Variants in RIN2 observed in about 807,000 individuals in gnomAD.
The protein encoded by RIN2 is Ras and Rab interactor 2, also known as RAB5 interacting protein 2.
Under a neutral mutation model 78.0 loss-of-function variants are expected in RIN2, and 36 were observed. The ratio of observed to expected loss-of-function variants is 0.46; its 90% CI spans 0.35 to 0.61. RIN2 has a LOEUF of 0.61. Among genes scored for constraint, RIN2 ranks in the 20% least tolerant of loss-of-function variants. RIN2 has a pLI of 0.00. For synonymous variants in RIN2, 466 were observed against 466.8 expected (o/e 1.00, Z 0.02); for missense variants, 1,087 against 1,159.7 (o/e 0.94, Z 0.91).
chr20:19,843,937 T>C (rs140138541), intron 2 of RIN2, among the ~76,000 whole-genome samples: 10 of 152,326 alleles, frequency 6.6e-5, no homozygotes, highest in Non-Finnish European at 8.8e-5. Context: ...AAACATGCAA[T>C]TCTTTGACTC....
chr20:19,854,514 A>G (rs1223997652), intron 2 of RIN2, among the ~76,000 whole-genome samples: 1 of 152,240 alleles, frequency 6.6e-6, no homozygotes, highest in Non-Finnish European at 1.5e-5. Context: ...ATCTATGAGC[A>G]TGGAATGTTC....
chr20:19,975,396 C>T lies in RIN2; in HGVS notation c.1371C>T (p.Thr457=). 1 of 1,614,030 alleles carries T rather than the reference C, an allele frequency of 6.2e-7. No individual in the cohort carries two copies. Among genetic ancestry groups the T allele is most frequent in the Non-Finnish European group, 8.5e-7 (1 of 1,179,900 alleles). Reference sequence around the variant, plus strand: ...CTCTGTTTGGCTACGAGGCGGACACCAACAGCAGCCTGGAGGACTACGAGG... The same window carrying T: ...CTCTGTTTGGCTACGAGGCGGACACTAACAGCAGCCTGGAGGACTACGAGG... ...SMPLFGYEAD[T]NSSLEDYEGE... is the part of the protein sequence containing the mutation. The change falls in exon 9 of 13, where the codon ACC becomes ACT. Residue 457 remains threonine (T), a synonymous_variant. Coordinates refer to ENST00000255006, the MANE Select transcript of RIN2 (RefSeq NM_018993.4). The surrounding 1 kb of genome is among the most constrained non-coding windows in gnomAD (Gnocchi z 4.9).
Position 19,996,765 on chromosome 20 carries a change from G to C in RIN2, c.2287G>C (p.Glu763Gln). 2.5e-6 allele frequency: 4 copies of C among 1,613,264 alleles called. No homozygotes were observed. The highest frequency in any genetic ancestry group is 2.5e-6 in the Non-Finnish European group (3 of 1,179,564). The change falls in exon 12 of 13, where the codon GAA becomes CAA. Residue 763 changes from glutamate (E) to glutamine (Q), a missense_variant. Physicochemically the swap from Glu to Gln is conservative, Grantham distance 29 (BLOSUM62 2). This residue lies in a region of RIN2 where 160 missense variants were observed against 179.4 expected (regional missense o/e 0.89). Coordinates refer to ENST00000255006, the MANE Select transcript of RIN2 (RefSeq NM_018993.4). ...EEQAARLLSS[E>Q]TRDTLRQWHK... ...ACAAGCAGCGCGACTGCTCAGCTCA[G>C]AAACCAGAGACACCCTGAGGCAGTG...
Position 19,980,924 on chromosome 20 carries a change from A to T in RIN2, c.1762+5137A>T, listed in dbSNP as rs187056188. 4.0e-3 allele frequency among the ~76,000 whole-genome samples: 603 copies of T among 152,322 alleles called. 1 individual carries two copies. The highest frequency in any genetic ancestry group is 0.014 in the African/African-American group (576 of 41,560). ...CTTTGGAGCTTCTCAGTTATTGTCC[A>T]GGCCCAGGTGAAGTCACAGCCACCT... On this transcript the variant is annotated intron_variant, in intron 9 of 12. Transcript: ENST00000255006.
At chr20:19,871,781 A>G (rs2037697839) in intron 2 of RIN2, 1 of 152,152 alleles carries the variant, frequency 6.6e-6, no homozygotes, top group South Asian at 2.1e-4. Context: ...ATAGGCAGGA[A>G]CTCTGCCTAA....
chr20:19,770,878 C>G (rs12625150), intron 1 of RIN2, among the ~76,000 whole-genome samples: 17 of 113,828 alleles, frequency 1.5e-4, no homozygotes, highest in African/African-American at 4.3e-4. Context: ...CCCCCACCCC[C>G]CCCCCCCACC....
In RIN2 at chr20:19,975,015, C is replaced by G. The variant is rs371973746; in HGVS notation, c.990C>G (p.Thr330=). 134 of 1,613,434 alleles carry G rather than the reference C, an allele frequency of 8.3e-5. No individual in the cohort carries two copies. In the African/African-American group the frequency reaches 1.3e-3, roughly 16 times the overall value. Residue 330 remains threonine (T), a synonymous_variant, in exon 9 of 13, where the codon ACC becomes ACG. Transcript: ENST00000255006. The surrounding 1 kb of genome is among the most constrained non-coding windows in gnomAD (Gnocchi z 4.9). ...GCCCTCGGCTGGCCAGGACTGAAAC[C>G]CAGACGAGCATGCCAGAAACAGTCA... ...HTSPRLARTE[T]QTSMPETVNH... is the part of the protein sequence containing the mutation.
At chr20:19,916,304 T>C (rs1232286655) in intron 3 of RIN2, among the ~76,000 whole-genome samples, 1 of 152,160 alleles carries the variant, frequency 6.6e-6, no homozygotes, top group Non-Finnish European at 1.5e-5. Context: ...CCAGGAACAC[T>C]GCTTTAAGTT....
Position 19,975,420 on chromosome 20 carries a change from G to A in RIN2, c.1395G>A (p.Glu465=), listed in dbSNP as rs1195902789. 2 of 1,613,938 alleles carry A rather than the reference G, an allele frequency of 1.2e-6. No homozygotes were observed. Among genetic ancestry groups the A allele is most frequent in the East Asian group, 2.2e-5 (1 of 44,888 alleles). The part of the protein sequence containing the change: ...ADTNSSLEDY[E]GESDQETMAP... Reference sequence around the variant, plus strand: ...CCAACAGCAGCCTGGAGGACTACGAGGGGGAAAGTGACCAAGAGACCATGG... The same window carrying A: ...CCAACAGCAGCCTGGAGGACTACGAAGGGGAAAGTGACCAAGAGACCATGG... The change falls in exon 9 of 13, where the codon GAG becomes GAA. Residue 465 remains glutamate, a synonymous_variant. Coordinates refer to ENST00000255006, the MANE Select transcript of RIN2 (RefSeq NM_018993.4). This position sits in a 1 kb window ranked among gnomAD's most constrained non-coding sequence, Gnocchi z 4.9.
chr20:19,992,337 TATTTTTTTC>T (rs762998727), intron 11 of RIN2, 38 bp downstream of exon 11: 2 of 1,515,224 alleles, frequency 1.3e-6, no homozygotes, highest in South Asian at 2.5e-5. Flanking sequence ...AACTGGGTGC[TATTTTTTTC>T]ATTTTTTTAT....
intron 3 of RIN2, among the ~76,000 whole-genome samples, chr20:19,899,721 A>G (rs1449730306): frequency 4.6e-5 from 7 of 152,192 alleles, no homozygotes; most frequent in African/African-American, 1.7e-4. Flanking sequence ...GACATGGCAG[A>G]TGGCTTCCTC....
intron 1 of RIN2, among the ~76,000 whole-genome samples, chr20:19,769,006 C>T (rs762078718): frequency 6.6e-6 from 1 of 150,538 alleles, no homozygotes; most frequent in Non-Finnish European, 1.5e-5. Flanking sequence ...ACTGCAACCT[C>T]TGCCTCTTGG....
At chr20:19,911,056 A>T (rs939787693) in intron 3 of RIN2, among the ~76,000 whole-genome samples, 14 of 149,010 alleles carry the variant, frequency 9.4e-5, no homozygotes, top group Admixed American at 6.0e-4. Flanking sequence ...AAATATGTAA[A>T]TTTTTTTTTT....
intron 3 of RIN2, among the ~76,000 whole-genome samples, chr20:19,932,017 A>T (rs2040462024): frequency 6.6e-6 from 1 of 152,160 alleles, no homozygotes; most frequent in Non-Finnish European, 1.5e-5. Context: ...TCTGGGGGTA[A>T]TATTCCTCCA....
chr20:19,849,932 C>G (rs2036908721), intron 2 of RIN2, among the ~76,000 whole-genome samples: 3 of 152,126 alleles, frequency 2.0e-5, no homozygotes, highest in Admixed American at 6.5e-5. Flanking sequence ...CTCTTTGTTC[C>G]TTGTGATTTA....
At chr20:19,764,918 GTTTTTTTTT>G (rs10605325) in intron 1 of RIN2, among the ~76,000 whole-genome samples, 6 of 50,390 alleles carry the variant, frequency 1.2e-4, no homozygotes, top group African/African-American at 3.9e-4. Flanking sequence ...CACTTTCTGC[GTTTTTTTTT>G]TTTTTTTTTT....
chr20:19,787,388 A>G (rs2034714290), intron 1 of RIN2, among the ~76,000 whole-genome samples: 1 of 145,082 alleles, frequency 6.9e-6, no homozygotes, highest in Non-Finnish European at 1.5e-5. Flanking sequence ...GCACCAGTGC[A>G]CTCCTGCCTG....
chr20:19,782,287 A>G (rs1049529051), intron 1 of RIN2, among the ~76,000 whole-genome samples: 1 of 152,186 alleles, frequency 6.6e-6, no homozygotes, highest in Non-Finnish European at 1.5e-5. Context: ...AATGTTAGCC[A>G]GCCGTGGTGG....
At chr20:19,992,855 C>T (rs948760854) in intron 11 of RIN2, among the ~76,000 whole-genome samples, 1 of 151,918 alleles carries the variant, frequency 6.6e-6, no homozygotes, top group African/African-American at 2.4e-5. Context: ...AAAAGCTTGG[C>T]TTTGTTTTTA....
Sources: allele counts gnomAD v4.1 joint callset (sites outside exome capture counted in the v4.1 genomes callset), GRCh38; gene constraint gnomAD v4.1.1; regional missense constraint gnomAD v4.1.1; non-coding constraint Gnocchi (gnomAD v3.1); transcripts MANE v1.5; gene names NCBI Gene and HGNC (gene_info 2026-07-23, HGNC 2026-07-21).